SNX29: variants seen among roughly 807,000 people sequenced by gnomAD.
SNX29 encodes sorting nexin 29.
SNX29 carries 78 observed loss-of-function variants against 102.1 expected under a neutral mutation model. The observed-to-expected ratio is 0.76, with a 90% CI of 0.64 to 0.92. The LOEUF is 0.92. Among genes scored for constraint, SNX29 ranks in the 40% least tolerant of loss-of-function variants. The pLI, the probability that SNX29 is intolerant of heterozygous loss-of-function variation, is 0.00. For missense variants in SNX29, 1,280 were observed against 1,061.7 expected, an observed-to-expected ratio of 1.21 and a Z score of -2.86; for synonymous variants, 580 against 414.5, an observed-to-expected ratio of 1.40 and a Z score of -4.85.
chr16:12,456,260 A>C (rs2086532820), intron 18 of SNX29, among the ~76,000 whole-genome samples: 2 of 152,236 alleles, frequency 1.3e-5, no homozygotes, highest in South Asian at 4.1e-4. Context: ...CAAGCCATCA[A>C]TAAATAAAGT....
chr16:12,384,900 G>A (rs2151442864), intron 16 of SNX29, among the ~76,000 whole-genome samples: 1 of 152,346 alleles, frequency 6.6e-6, no homozygotes, highest in Middle Eastern at 3.4e-3. Flanking sequence ...GCCGGGCATG[G>A]TGGCTCCTGC....
At chr16:12,507,677 G>A (rs993795189) in intron 19 of SNX29, among the ~76,000 whole-genome samples, 2 of 152,054 alleles carry the variant, frequency 1.3e-5, no homozygotes, top group Admixed American at 6.6e-5. Context: ...TTCCTTTTTC[G>A]GCCCTGATTT....
chr16:12,362,349 G>C (rs1371274004), intron 16 of SNX29, among the ~76,000 whole-genome samples: 1 of 152,170 alleles, frequency 6.6e-6, no homozygotes, highest in Non-Finnish European at 1.5e-5. Flanking sequence ...CAGAGATCTT[G>C]CCCTGCAGGA....
intron 19 of SNX29, among the ~76,000 whole-genome samples, chr16:12,488,391 A>G (rs766946761): frequency 2.0e-5 from 3 of 151,984 alleles, no homozygotes; most frequent in Non-Finnish European, 4.4e-5. Flanking sequence ...TTCATTTCTC[A>G]TACTCCATCG....
At chr16:12,515,808 C>G (rs1002148707) in intron 19 of SNX29, among the ~76,000 whole-genome samples, 1 of 152,124 alleles carries the variant, frequency 6.6e-6, no homozygotes, top group Non-Finnish European at 1.5e-5. Context: ...CAGATAGTCA[C>G]TGAGTGAACC....
chr16:12,061,998 T>C (rs915724458), intron 9 of SNX29, among the ~76,000 whole-genome samples: 2 of 152,136 alleles, frequency 1.3e-5, no homozygotes, highest in Non-Finnish European at 2.9e-5. Context: ...TCTTTGGAGA[T>C]GCAAGAAGGT....
intron 11 of SNX29, among the ~76,000 whole-genome samples, chr16:12,103,774 A>C (rs1480690780): frequency 6.6e-6 from 1 of 152,188 alleles, no homozygotes; most frequent in Non-Finnish European, 1.5e-5. Context: ...AATGGGAGAA[A>C]ATTTTTGCAA....
intron 13 of SNX29, among the ~76,000 whole-genome samples, chr16:12,152,244 A>G (rs1005285993): frequency 2.0e-5 from 3 of 152,042 alleles, no homozygotes; most frequent in Non-Finnish European, 4.4e-5. Flanking sequence ...ATGCAATAAT[A>G]CACATGAAAA....
intron 11 of SNX29, chr16:12,081,215 C>T (rs1319909658): frequency 6.6e-6 from 1 of 152,122 alleles, no homozygotes; most frequent in African/African-American, 2.4e-5. Context: ...ATGAGTGCTG[C>T]TTCTTTTTGG....
intron 19 of SNX29, among the ~76,000 whole-genome samples, chr16:12,511,331 G>A (rs188284270): frequency 6.6e-6 from 1 of 152,290 alleles, no homozygotes; most frequent in African/African-American, 2.4e-5. Context: ...TCACCTTAGA[G>A]AAGCCACTGA....
chr16:12,319,084 G>A (rs944506568), intron 15 of SNX29, among the ~76,000 whole-genome samples: 5 of 152,136 alleles, frequency 3.3e-5, no homozygotes, highest in African/African-American at 7.2e-5. Flanking sequence ...TCGTTATCTT[G>A]TCATGCTTCA....
At chr16:12,301,499 G>T (rs1020429604) in intron 15 of SNX29, among the ~76,000 whole-genome samples, 5 of 152,354 alleles carry the variant, frequency 3.3e-5, no homozygotes, top group Non-Finnish European at 7.3e-5. Context: ...CACCGCCTCA[G>T]TGAGGCCTTC....
chr16:12,057,350 G>T (rs1019267112), intron 8 of SNX29, among the ~76,000 whole-genome samples: 1 of 152,164 alleles, frequency 6.6e-6, no homozygotes, highest in Non-Finnish European at 1.5e-5. Context: ...TGAGTCCTCA[G>T]TTCCTGGCAC....
intron 15 of SNX29, among the ~76,000 whole-genome samples, chr16:12,308,143 C>G (rs1417648508): frequency 2.6e-5 from 4 of 152,230 alleles, no homozygotes; most frequent in Admixed American, 2.0e-4. Flanking sequence ...GGTCTCTGCT[C>G]TGAGGGTTTT....
intron 3 of SNX29, among the ~76,000 whole-genome samples, chr16:12,015,257 A>G (rs997427653): frequency 6.6e-6 from 1 of 150,836 alleles, no homozygotes; most frequent in African/African-American, 2.4e-5. Flanking sequence ...TTAATTTTTT[A>G]TATTTTTTGG....
In SNX29 at chr16:12,479,165, G is replaced by C. The variant is rs537264776; in HGVS notation, c.2178+1306G>C. Among the ~76,000 whole-genome samples, 7 of 152,332 alleles carry C rather than the reference G, an allele frequency of 4.6e-5. No individual in the cohort carries two copies. In the South Asian group the frequency reaches 1.0e-3, roughly 23 times the overall value. ...CACGCTCTGGGGCTGAGACCCAGCA[G>C]TCTGGGTTTAACAAGCCCTCTAGGT... is the stretch of plus-strand genomic sequence containing the variant. On this transcript the variant is annotated intron_variant, in intron 19 of 20. Coordinates refer to ENST00000566228, the MANE Select transcript of SNX29 (RefSeq NM_032167.5).
At position 12,258,005 on chromosome 16, in the gene SNX29, C is replaced by G. The variant is rs980881469; in HGVS notation, c.1679-19928C>G. Reference sequence around the variant, plus strand: ...CCTCACTGCTATCGCCTGGGTCAGGCCCCCAGAGTCTCTTTGCCTGGGATG... The same window carrying G: ...CCTCACTGCTATCGCCTGGGTCAGGGCCCCAGAGTCTCTTTGCCTGGGATG... On this transcript the variant is annotated intron_variant, in intron 14 of 20. Transcript: ENST00000566228. 5.3e-5 allele frequency among the ~76,000 whole-genome samples: 8 copies of G among 152,184 alleles called. 1 individual carries two copies. In the South Asian group the frequency reaches 1.7e-3, roughly 32 times the overall value.
At chr16:12,321,239 C>T (rs748737241) in intron 15 of SNX29, among the ~76,000 whole-genome samples, 5 of 152,158 alleles carry the variant, frequency 3.3e-5, no homozygotes, top group African/African-American at 2.4e-5. Context: ...TAGTTCCCCA[C>T]GCAGGGACCA....
In SNX29 at chr16:12,572,461, G is replaced by C. The variant is rs2079207354; in HGVS notation, c.*3832G>C. The C allele has an allele frequency of 8.5e-6, 9 of 1,063,340 alleles. No homozygotes were observed. Among genetic ancestry groups the C allele is most frequent in the African/African-American group, 1.6e-5 (1 of 60,936 alleles). 65.9% of individuals were successfully genotyped at this position (1,063,340 alleles called of 1,614,324 possible). ...CTCTTGGTTCTGCATGGTACATTTT[G>C]CCAACCCTGAGGACCAGTTCTTGGG... On this transcript the variant is annotated 3_prime_UTR_variant, in exon 21 of 21. Coordinates refer to ENST00000566228, the MANE Select transcript of SNX29 (RefSeq NM_032167.5).
Sources: allele counts gnomAD v4.1 joint callset (sites outside exome capture counted in the v4.1 genomes callset), GRCh38; gene constraint gnomAD v4.1.1; transcripts MANE v1.5; gene names NCBI Gene and HGNC (gene_info 2026-07-23, HGNC 2026-07-21).